Variants in PARD3B observed in about 807,000 individuals in gnomAD.
The protein encoded by PARD3B is par-3 family cell polarity regulator beta, also known as partitioning defective 3 homolog B.
A neutral mutation model predicts 130.2 loss-of-function variants in PARD3B; 103 were observed. The observed-to-expected ratio is 0.79, with a 90% CI of 0.67 to 0.93. The LOEUF is 0.93. PARD3B is among the 40% of genes least tolerant of loss of function. The pLI, the probability that PARD3B is intolerant of heterozygous loss-of-function variation, is 0.00. For missense variants in PARD3B, 1,609 were observed against 1,499.2 expected, an observed-to-expected ratio of 1.07 and a Z score of -1.21; for synonymous variants, 583 against 553.2, an observed-to-expected ratio of 1.05 and a Z score of -0.76.
chr2:204,834,810 T>C (rs991352458), intron 2 of PARD3B, among the ~76,000 whole-genome samples: 1 of 152,218 alleles, frequency 6.6e-6, no homozygotes, highest in African/African-American at 2.4e-5. Context: ...AAATCACTTT[T>C]ACTGTGTCAG....
intron 20 of PARD3B, among the ~76,000 whole-genome samples, chr2:205,469,058 G>T (rs994939031): frequency 1.3e-5 from 2 of 151,054 alleles, no homozygotes; most frequent in African/African-American, 2.4e-5. Context: ...AGCTTTCTGT[G>T]TAGACTTCTA....
Position 204,545,850 on chromosome 2 carries a change from G to C in PARD3B, c.-150G>C. The C allele has an allele frequency of 1.2e-6, 1 of 846,844 alleles. No individual in the cohort carries two copies. The highest frequency in any genetic ancestry group is 2.4e-5 in the South Asian group (1 of 41,018). The allele number at this position is 846,844 out of a possible 1,614,324, so 52.5% of individuals were successfully genotyped here. A position where few individuals can be genotyped will look rare whatever the true frequency, so the allele number is the denominator to read the frequency against. On this transcript the variant is annotated 5_prime_UTR_variant, in exon 1 of 23. Coordinates refer to ENST00000406610, the MANE Select transcript of PARD3B (RefSeq NM_001302769.2). ...CGCCTGGCCAGGTGGAAGGGGCGCT[G>C]CCGCGAGCCTCCGGGCCTCAGGGTG...
chr2:205,386,458 CTCTG>C lies in PARD3B; in HGVS notation c.2631-14549_2631-14546del, dbSNP rs139565791. ...TCAAATCAGATGGCTTATAATAAGACTCTGTCTGTGAACAAGCGTGAGGATGTCA... is the reference window on the plus strand; with the variant it reads ...TCAAATCAGATGGCTTATAATAAGACTCTGTGAACAAGCGTGAGGATGTCA... On this transcript the variant is annotated intron_variant, in intron 18 of 22. Coordinates refer to ENST00000406610, the MANE Select transcript of PARD3B (RefSeq NM_001302769.2). 3.4e-3 allele frequency among the ~76,000 whole-genome samples: 514 copies of C among 152,212 alleles called. 2 individuals carry two copies. Among genetic ancestry groups the C allele is most frequent in the African/African-American group, 0.012 (490 of 41,526 alleles).
At position 204,664,924 on chromosome 2, in the gene PARD3B, AT is replaced by A. The variant is rs560303716; in HGVS notation, c.121-21254del. On this transcript the variant is annotated intron_variant, in intron 1 of 22. Transcript: ENST00000406610. This position sits in a 1 kb window ranked among gnomAD's most constrained non-coding sequence, Gnocchi z 5.2. ...TTGGGCATTAGTTTAAAAGCCTAGC[AT>A]TTAATAGGAACTTTGGCATATGTAA... Among the ~76,000 whole-genome samples, 13 of 152,284 alleles carry A rather than the reference AT, an allele frequency of 8.5e-5. No individual in the cohort carries two copies. The East Asian group carries it at 2.5e-3, about 29-fold the overall frequency.
intron 15 of PARD3B, among the ~76,000 whole-genome samples, chr2:205,195,827 AT>A (rs201544493): frequency 6.6e-5 from 6 of 91,064 alleles, no homozygotes; most frequent in East Asian, 1.3e-3. Context: ...ATGGTTCAAA[AT>A]TTAAAAAAAA....
At chr2:205,507,692 A>G (rs1169835184) in intron 21 of PARD3B, among the ~76,000 whole-genome samples, 1 of 152,168 alleles carries the variant, frequency 6.6e-6, no homozygotes, top group Non-Finnish European at 1.5e-5. Context: ...CAAACTGTCT[A>G]CGACAACTTC....
intron 4 of PARD3B, among the ~76,000 whole-genome samples, chr2:205,060,795 G>C (rs1275090538): frequency 6.6e-6 from 1 of 152,088 alleles, no homozygotes; most frequent in Non-Finnish European, 1.5e-5. Context: ...ACTAGAGCTA[G>C]CCACAGCTTT....
At position 205,183,729 on chromosome 2, in the gene PARD3B, GTTGT is replaced by G. The variant is rs1442782313; in HGVS notation, c.1925-2034_1925-2031del. Among the ~76,000 whole-genome samples, 9 of 95,680 alleles carry G rather than the reference GTTGT, an allele frequency of 9.4e-5. No homozygotes were observed. The highest frequency in any genetic ancestry group is 3.1e-4 in the African/African-American group (8 of 25,606). The allele number at this position is 95,680 out of a possible 152,430, so 62.8% of individuals were successfully genotyped here. A position where few individuals can be genotyped will look rare whatever the true frequency, so the allele number is the denominator to read the frequency against. On this transcript the variant is annotated intron_variant, in intron 13 of 22. Transcript: ENST00000406610. This position sits in a 1 kb window ranked among gnomAD's most constrained non-coding sequence, Gnocchi z 5.2. The stretch of plus-strand genomic sequence containing the variant: ...GGGTTCTGCAGAGAAACAGAACCAA[GTTGT>G]GTGTGTGTGTGTGTGTGTGTGTGTG...
intron 21 of PARD3B, among the ~76,000 whole-genome samples, chr2:205,548,159 A>G (rs754349147): frequency 1.5e-4 from 23 of 152,096 alleles, no homozygotes; most frequent in Non-Finnish European, 3.1e-4. Context: ...TAAGAATAGT[A>G]TTAGTGTTCC....
intron 15 of PARD3B, among the ~76,000 whole-genome samples, chr2:205,210,027 A>T (rs2037540590): frequency 6.6e-6 from 1 of 151,882 alleles, no homozygotes; most frequent in Non-Finnish European, 1.5e-5. Flanking sequence ...AAATATATAC[A>T]CCTACTAAGT....
intron 3 of PARD3B, among the ~76,000 whole-genome samples, chr2:204,983,184 A>G (rs899505037): frequency 8.5e-5 from 13 of 152,090 alleles, no homozygotes; most frequent in Admixed American, 5.2e-4. Flanking sequence ...GGGTTGTCCA[A>G]CTGGTAATTG....
chr2:204,661,182 C>T (rs1349070757), intron 1 of PARD3B, among the ~76,000 whole-genome samples: 1 of 152,134 alleles, frequency 6.6e-6, no homozygotes, highest in Non-Finnish European at 1.5e-5. Context: ...AAATTAGGAA[C>T]AGGTAGTAAC....
Position 205,487,096 on chromosome 2 carries a change from A to T in PARD3B, c.3045-12800A>T, listed in dbSNP as rs181232939. Among the ~76,000 whole-genome samples, 625 of 152,316 alleles carry T rather than the reference A, an allele frequency of 4.1e-3. 6 individuals carry two copies. Among genetic ancestry groups the T allele is most frequent in the Middle Eastern group, 0.024 (7 of 294 alleles). On this transcript the variant is annotated intron_variant, in intron 20 of 22. Coordinates refer to ENST00000406610, the MANE Select transcript of PARD3B (RefSeq NM_001302769.2). ...ATTAAGATTGGCCTCATGGTCACTTACCTATGTGACCCAAGCATCCCTTCT... is the reference window on the plus strand; with the variant it reads ...ATTAAGATTGGCCTCATGGTCACTTTCCTATGTGACCCAAGCATCCCTTCT...
chr2:204,771,458 C>T (rs1322591705), intron 2 of PARD3B, among the ~76,000 whole-genome samples: 1 of 151,942 alleles, frequency 6.6e-6, no homozygotes, highest in Non-Finnish European at 1.5e-5. Flanking sequence ...TGTCATAGCA[C>T]CATTTAAAAT....
At chr2:204,786,071 A>G (rs1192554644) in intron 2 of PARD3B, among the ~76,000 whole-genome samples, 1 of 147,264 alleles carries the variant, frequency 6.8e-6, no homozygotes, top group African/African-American at 2.5e-5. Flanking sequence ...CCAAGATTGC[A>G]CCAGTGCACA....
At chr2:205,577,088 C>G (rs2053788050) in intron 22 of PARD3B, among the ~76,000 whole-genome samples, 2 of 152,134 alleles carry the variant, frequency 1.3e-5, no homozygotes, top group African/African-American at 4.8e-5. Context: ...TTTAATTGCA[C>G]TTGTTCATTA....
At position 204,937,348 on chromosome 2, in the gene PARD3B, T is replaced by C. The variant is rs1455388145; in HGVS notation, c.223-27804T>C. Among the ~76,000 whole-genome samples the C allele has an allele frequency of 2.0e-5, 3 of 152,232 alleles. No homozygotes were observed. In the East Asian group the frequency reaches 5.8e-4, roughly 29 times the overall value. ...CCCATTCAGCTTGGTCTGGGGATCCTTGACTGGTACTTGACTGTAGTTCCT... is the reference window on the plus strand; with the variant it reads ...CCCATTCAGCTTGGTCTGGGGATCCCTGACTGGTACTTGACTGTAGTTCCT... On this transcript the variant is annotated intron_variant, in intron 2 of 22. Coordinates refer to ENST00000406610, the MANE Select transcript of PARD3B (RefSeq NM_001302769.2).
chr2:205,553,495 AG>A, intron 22 of PARD3B, 92 bp downstream of exon 22: 1 of 1,303,954 alleles, frequency 7.7e-7, no homozygotes. Flanking sequence ...GCTTTGAAAT[AG>A]GGAATATGTT....
chr2:205,097,938 T>A (rs1702501388), intron 4 of PARD3B, among the ~76,000 whole-genome samples: 1 of 152,036 alleles, frequency 6.6e-6, no homozygotes, highest in Non-Finnish European at 1.5e-5. Context: ...AGATTTCCAA[T>A]GGCAAGGCAT....
Sources: gnomAD v4.1 joint callset for allele counts (sites outside exome capture counted in the v4.1 genomes callset) on GRCh38, gnomAD v4.1.1 for gene constraint, Gnocchi (gnomAD v3.1) non-coding constraint, MANE v1.5 for transcripts, NCBI Gene and HGNC (gene_info 2026-07-23, HGNC 2026-07-21) for gene names.